Variants in NTM observed in about 807,000 individuals in gnomAD.
NTM encodes the protein IgLON family member 2.
In NTM, 13 loss-of-function variants were observed where a neutral mutation model predicts 42.1. The observed-to-expected ratio is 0.31, with a 90% CI of 0.20 to 0.49. The LOEUF is 0.49. Among genes scored for constraint, NTM ranks in the 20% least tolerant of loss-of-function variants. The pLI, the probability that NTM is intolerant of heterozygous loss-of-function variation, is 0.99. For synonymous variants in NTM, 187 were observed against 179.2 expected (o/e 1.04, Z -0.35); for missense variants, 373 against 452.8 (o/e 0.82, Z 1.60).
At chr11:132,252,289 T>C (rs1215921369) in intron 4 of NTM, among the ~76,000 whole-genome samples, 1 of 152,088 alleles carries the variant, frequency 6.6e-6, no homozygotes, top group African/African-American at 2.4e-5. Context: ...CATCCTAACT[T>C]CTCATTTGTT....
chr11:131,629,342 G>A (rs1038114550), intron 1 of NTM, among the ~76,000 whole-genome samples: 7 of 152,232 alleles, frequency 4.6e-5, no homozygotes, highest in Admixed American at 4.6e-4. Context: ...ATGGAGTCAG[G>A]CTTTGACCTG....
At chr11:132,283,175 T>C (rs1181104172) in intron 4 of NTM, among the ~76,000 whole-genome samples, 2 of 151,612 alleles carry the variant, frequency 1.3e-5, no homozygotes, top group Non-Finnish European at 2.9e-5. Flanking sequence ...TTAGTAGAGA[T>C]AGGGTTTCAC....
intron 1 of NTM, among the ~76,000 whole-genome samples, chr11:131,770,107 G>C (rs1186255379): frequency 6.6e-6 from 1 of 152,152 alleles, no homozygotes; most frequent in Non-Finnish European, 1.5e-5. Flanking sequence ...CTGATCAACA[G>C]GTTCCTCCCA....
At chr11:131,758,142 C>G (rs1471107150) in intron 1 of NTM, among the ~76,000 whole-genome samples, 3 of 152,282 alleles carry the variant, frequency 2.0e-5, no homozygotes, top group South Asian at 4.1e-4. Context: ...CTATTTTAGT[C>G]AGTTTCACTC....
chr11:131,567,817 C>A (rs2057047198), intron 1 of NTM, among the ~76,000 whole-genome samples: 2 of 152,294 alleles, frequency 1.3e-5, no homozygotes, highest in South Asian at 2.1e-4. Flanking sequence ...AAGATGGCAC[C>A]AGTGAAGGCA....
intron 1 of NTM, among the ~76,000 whole-genome samples, chr11:131,894,504 A>G (rs2051921606): frequency 6.6e-6 from 1 of 152,190 alleles, no homozygotes; most frequent in African/African-American, 2.4e-5. Context: ...CCTGACAGAC[A>G]TGGAGGCAGT....
At chr11:132,104,576 A>ACCC (rs139338697) in intron 2 of NTM, among the ~76,000 whole-genome samples, 2,738 of 139,474 alleles carry the variant, frequency 0.02, 49 homozygotes, top group African/African-American at 0.031. Context: ...ACATAGTGGG[A>ACCC]CCCCCCCCCA....
At chr11:131,452,267 G>A (rs548193040) in intron 1 of NTM, among the ~76,000 whole-genome samples, 8 of 152,328 alleles carry the variant, frequency 5.3e-5, no homozygotes, top group East Asian at 1.9e-4. Flanking sequence ...GTGGCCTCCC[G>A]GCTGCAGGCC....
chr11:131,810,800 G>C (rs1400042332), intron 1 of NTM, among the ~76,000 whole-genome samples: 1 of 152,144 alleles, frequency 6.6e-6, no homozygotes, highest in Non-Finnish European at 1.5e-5. Flanking sequence ...TGCCTAGTCA[G>C]CTCAGTGGAG....
At chr11:131,822,957 C>T (rs1202030178) in intron 1 of NTM, among the ~76,000 whole-genome samples, 1 of 152,070 alleles carries the variant, frequency 6.6e-6, no homozygotes, top group East Asian at 1.9e-4. Context: ...TTCTTTCTTC[C>T]TTCCTTCCTT....
In NTM at chr11:132,328,886, C is replaced by T. The variant is rs145442360; in HGVS notation, c.935-1267C>T. Among the ~76,000 whole-genome samples the T allele has an allele frequency of 5.3e-3, 804 of 152,244 alleles. 6 individuals are homozygous for T. The highest frequency in any genetic ancestry group is 0.019 in the African/African-American group (773 of 41,548). ...CAAGGGACCATCCTTGTTAAATGCA[C>T]AGGCACCATGGCATCATCACCCCTG... On this transcript the variant is annotated intron_variant, in intron 7 of 8. Coordinates refer to ENST00000683400, the MANE Select transcript of NTM (RefSeq NM_001352005.2).
chr11:131,542,853 T>G (rs2053462686), intron 1 of NTM, among the ~76,000 whole-genome samples: 1 of 151,976 alleles, frequency 6.6e-6, no homozygotes, highest in South Asian at 2.1e-4. Context: ...CACGTGAGAG[T>G]CGGTGCTAAT....
At chr11:131,402,014 T>C (rs1391724235) in intron 1 of NTM, among the ~76,000 whole-genome samples, 1 of 150,904 alleles carries the variant, frequency 6.6e-6, no homozygotes, top group Non-Finnish European at 1.5e-5. Context: ...TCTTGTGGAA[T>C]AGCATGCCCT....
At chr11:131,741,594 G>A (rs1241330580) in intron 1 of NTM, among the ~76,000 whole-genome samples, 1 of 152,108 alleles carries the variant, frequency 6.6e-6, no homozygotes, top group African/African-American at 2.4e-5. Context: ...CATATTAGAA[G>A]CAATTTGTTT....
intron 2 of NTM, among the ~76,000 whole-genome samples, chr11:132,025,185 G>A (rs1037479214): frequency 2.6e-5 from 4 of 152,150 alleles, no homozygotes; most frequent in Admixed American, 6.5e-5. Flanking sequence ...CCTAGGACTG[G>A]CCTTTCTCTT....
chr11:131,891,964 C>A (rs1462221439), intron 1 of NTM, among the ~76,000 whole-genome samples: 1 of 152,166 alleles, frequency 6.6e-6, no homozygotes, highest in African/African-American at 2.4e-5. Context: ...GAGCCACAGC[C>A]TAGGGAGTAT....
intron 1 of NTM, among the ~76,000 whole-genome samples, chr11:131,380,459 C>T (rs560456155): frequency 6.2e-4 from 94 of 152,266 alleles, no homozygotes; most frequent in Middle Eastern, 3.4e-3. Flanking sequence ...GATCCGCCCG[C>T]CTCAGCCTCT....
At chr11:132,172,825 T>G (rs2076292592) in intron 3 of NTM, among the ~76,000 whole-genome samples, 1 of 152,226 alleles carries the variant, frequency 6.6e-6, no homozygotes, top group Non-Finnish European at 1.5e-5. Context: ...AAGCACAACT[T>G]CTGCCCTTTG....
intron 1 of NTM, among the ~76,000 whole-genome samples, chr11:131,613,850 T>TA (rs2061668647): frequency 6.6e-6 from 1 of 152,174 alleles, no homozygotes. Flanking sequence ...GAACACCACG[T>TA]ACCTGCCTTG....
Sources: allele counts gnomAD v4.1 joint callset (sites outside exome capture counted in the v4.1 genomes callset), GRCh38; gene constraint gnomAD v4.1.1; transcripts MANE v1.5; gene names NCBI Gene and HGNC (gene_info 2026-07-23, HGNC 2026-07-21).